The following TMEM132C variants were observed in gnomAD, a reference collection of about 807,000 sequenced individuals.
TMEM132C encodes transmembrane protein 132C, also known as protein phosphatase 1, regulatory subunit 152.
Under a neutral mutation model 61.4 loss-of-function variants are expected in TMEM132C, and 29 were observed. The observed-to-expected ratio is 0.47, with a 90% CI of 0.35 to 0.64. The LOEUF is 0.64. Among genes scored for constraint, TMEM132C ranks in the 30% least tolerant of loss-of-function variants. The probability of loss-of-function intolerance (pLI) is 0.00; values close to 1 mark genes in which losing one functional copy is unlikely to be tolerated. For missense variants in TMEM132C, 1,408 were observed against 1,476.9 expected (o/e 0.95, Z 0.76); for synonymous variants, 656 against 633.1 (o/e 1.04, Z -0.54).
chr12:128,693,400 C>CT (rs1954733918), intron 5 of TMEM132C, among the ~76,000 whole-genome samples: 2 of 152,226 alleles, frequency 1.3e-5, no homozygotes, highest in Admixed American at 6.5e-5. Context: ...TTCAAGTTCA[C>CT]TTTTTGATTG....
chr12:128,597,950 T>C (rs1158527456), intron 3 of TMEM132C, among the ~76,000 whole-genome samples: 1 of 152,074 alleles, frequency 6.6e-6, no homozygotes, highest in Non-Finnish European at 1.5e-5. Context: ...AGCTGGAGCG[T>C]AGTGATCAAG....
intron 1 of TMEM132C, chr12:128,288,475 CTGGCG>C (rs912048127): frequency 6.6e-6 from 1 of 152,440 alleles, no homozygotes; most frequent in African/African-American, 2.4e-5. Flanking sequence ...CTGTCCTGTT[CTGGCG>C]TGAGTGGTTT....
intron 2 of TMEM132C, among the ~76,000 whole-genome samples, chr12:128,442,498 T>G (rs1869831172): frequency 6.6e-6 from 1 of 152,120 alleles, no homozygotes; most frequent in African/African-American, 2.4e-5. Context: ...GGCATTGGTA[T>G]TTTTGTTCAC....
intron 3 of TMEM132C, among the ~76,000 whole-genome samples, chr12:128,549,642 AACTC>A (rs1468993243): frequency 1.3e-5 from 2 of 152,158 alleles, no homozygotes; most frequent in Non-Finnish European, 2.9e-5. Flanking sequence ...CCCAAATACG[AACTC>A]ACACCTGGCG....
intron 3 of TMEM132C, among the ~76,000 whole-genome samples, chr12:128,578,604 G>A (rs962084512): frequency 6.6e-6 from 1 of 152,048 alleles, no homozygotes. Context: ...TGTTGTTGTT[G>A]TTGTTATTGT....
intron 1 of TMEM132C, among the ~76,000 whole-genome samples, chr12:128,334,475 G>A (rs1872743892): frequency 6.6e-6 from 1 of 152,176 alleles, no homozygotes; most frequent in Non-Finnish European, 1.5e-5. Flanking sequence ...CTCTTTAGAA[G>A]ACGTTTAACA....
intron 4 of TMEM132C, among the ~76,000 whole-genome samples, chr12:128,658,385 A>ATGAGCTATCTCCCCAGAACCTGCCACG (rs1954350311): frequency 6.6e-6 from 1 of 152,240 alleles, no homozygotes; most frequent in African/African-American, 2.4e-5. Context: ...AACCTGCCAC[A>ATGAGCTATCTCCCCAGAACCTGCCACG]TGAGCTATCT....
At chr12:128,448,591 C>T (rs1480602444) in intron 2 of TMEM132C, among the ~76,000 whole-genome samples, 1 of 152,128 alleles carries the variant, frequency 6.6e-6, no homozygotes, top group African/African-American at 2.4e-5. Context: ...CTGCTTTTGC[C>T]ACCTTCTTTC....
At chr12:128,677,655 C>T (rs1398755924) in intron 5 of TMEM132C, among the ~76,000 whole-genome samples, 1 of 152,176 alleles carries the variant, frequency 6.6e-6, no homozygotes, top group Non-Finnish European at 1.5e-5. Context: ...CCTGGGTGCC[C>T]CCACCCTGGT....
At chr12:128,488,974 A>G (rs1032679834) in intron 2 of TMEM132C, among the ~76,000 whole-genome samples, 4 of 151,990 alleles carry the variant, frequency 2.6e-5, no homozygotes, top group Admixed American at 2.6e-4. Context: ...TCATGCCAAG[A>G]AAAAAGTTTT....
intron 3 of TMEM132C, among the ~76,000 whole-genome samples, chr12:128,596,352 C>T (rs1026645995): frequency 6.6e-6 from 1 of 150,588 alleles, no homozygotes; most frequent in Non-Finnish European, 1.5e-5. Flanking sequence ...CACTGGGCTG[C>T]CCCTTTCGCA....
chr12:128,622,452 A>G (rs1464997524), intron 4 of TMEM132C, among the ~76,000 whole-genome samples: 3 of 145,174 alleles, frequency 2.1e-5, no homozygotes, highest in East Asian at 4.1e-4. Context: ...GACAGTCAAA[A>G]TGGAAGGGAG....
At chr12:128,439,614 CT>C in intron 2 of TMEM132C, among the ~76,000 whole-genome samples, 1 of 152,238 alleles carries the variant, frequency 6.6e-6, no homozygotes, top group African/African-American at 2.4e-5. Flanking sequence ...AAGAACCTTT[CT>C]TTTTTTCAGC....
chr12:128,323,280 C>T (rs977121058), intron 1 of TMEM132C, among the ~76,000 whole-genome samples: 1 of 152,160 alleles, frequency 6.6e-6, no homozygotes, highest in Admixed American at 6.5e-5. Context: ...TGAGCCTGGA[C>T]TGATGGGGGA....
At chr12:128,392,061 T>C (rs1391116888) in intron 1 of TMEM132C, among the ~76,000 whole-genome samples, 1 of 68,364 alleles carries the variant, frequency 1.5e-5, no homozygotes, top group East Asian at 7.3e-4. Context: ...TGTCTCTCTC[T>C]CTTTCTCTCT....
At chr12:128,663,960 A>ACAGG (rs1954425843) in intron 4 of TMEM132C, among the ~76,000 whole-genome samples, 1 of 33,496 alleles carries the variant, frequency 3.0e-5, no homozygotes, top group African/African-American at 1.1e-4. Flanking sequence ...ACACACACAT[A>ACAGG]CAGGCACATG....
At chr12:128,690,096 A>C (rs12307074) in intron 5 of TMEM132C, among the ~76,000 whole-genome samples, 19,761 of 152,220 alleles carry the variant, frequency 0.13, 1,529 homozygotes, top group Middle Eastern at 0.21. Flanking sequence ...AACTGACCAT[A>C]TGTGGCTCCA....
intron 2 of TMEM132C, among the ~76,000 whole-genome samples, chr12:128,517,090 G>T (rs1485909271): frequency 6.6e-6 from 1 of 151,666 alleles, no homozygotes; most frequent in Non-Finnish European, 1.5e-5. Context: ...AATTAGCCAG[G>T]TGTGGTGGCG....
intron 2 of TMEM132C, among the ~76,000 whole-genome samples, chr12:128,496,883 A>T (rs1303285240): frequency 6.6e-6 from 1 of 152,200 alleles, no homozygotes; most frequent in East Asian, 1.9e-4. Context: ...GAGGAGCTGC[A>T]TTCTTTTGGA....
Sources: gnomAD v4.1 joint callset for allele counts (sites outside exome capture counted in the v4.1 genomes callset) on GRCh38, gnomAD v4.1.1 for gene constraint, MANE v1.5 for transcripts, NCBI Gene and HGNC (gene_info 2026-07-23, HGNC 2026-07-21) for gene names.